CAMK1D: variants seen among roughly 807,000 people sequenced by gnomAD.
The protein encoded by CAMK1D is calcium/calmodulin dependent protein kinase ID, also known as calcium/calmodulin-dependent protein kinase type 1D.
CAMK1D carries 9 observed loss-of-function variants against 47.7 expected under a neutral mutation model. The observed-to-expected ratio is 0.19, with a 90% confidence interval of 0.11 to 0.33. CAMK1D has a LOEUF of 0.33. CAMK1D is among the 10% of genes least tolerant of loss of function. The pLI, the probability that CAMK1D is intolerant of heterozygous loss-of-function variation, is 1.00. For synonymous variants in CAMK1D, 184 were observed against 184.9 expected, an observed-to-expected ratio of 0.99 and a Z score of 0.04; for missense variants, 291 against 488.7, an observed-to-expected ratio of 0.60 and a Z score of 3.81.
intron 3 of CAMK1D, among the ~76,000 whole-genome samples, 188 bp from the exon 4 acceptor site, chr10:12,760,760 C>T (rs1038673187): frequency 1.3e-5 from 2 of 152,098 alleles, no homozygotes; most frequent in Non-Finnish European, 2.9e-5. Flanking sequence ...TACTTGGTTC[C>T]AGACATTTGC....
intron 3 of CAMK1D, among the ~76,000 whole-genome samples, chr10:12,667,310 CCAGACATAAGAGAAGTATAATTGGTGT>C (rs1396652425): frequency 6.6e-6 from 1 of 152,162 alleles, no homozygotes; most frequent in African/African-American, 2.4e-5. Context: ...GGAATTCGTG[CCAGACATAAGAGAAGTATAATTGGTGT>C]CAGACCATGA....
intron 5 of CAMK1D, among the ~76,000 whole-genome samples, chr10:12,779,062 A>T (rs141540958): frequency 2.9e-3 from 437 of 152,272 alleles, no homozygotes; most frequent in Non-Finnish European, 4.9e-3. Flanking sequence ...AGAAATGAAC[A>T]GACTCACTGA....
intron 2 of CAMK1D, among the ~76,000 whole-genome samples, chr10:12,632,749 C>T (rs986071187): frequency 6.6e-6 from 1 of 152,146 alleles, no homozygotes; most frequent in Non-Finnish European, 1.5e-5. Context: ...GGCTGGACTG[C>T]AGTGGCATGA....
At chr10:12,500,938 C>T (rs1834683493) in intron 1 of CAMK1D, among the ~76,000 whole-genome samples, 1 of 152,216 alleles carries the variant, frequency 6.6e-6, no homozygotes, top group Non-Finnish European at 1.5e-5. Context: ...TCACAATCAC[C>T]TCCTGTGGTT....
intron 1 of CAMK1D, among the ~76,000 whole-genome samples, chr10:12,361,958 A>G (rs1006870356): frequency 2.0e-5 from 3 of 151,912 alleles, no homozygotes; most frequent in Non-Finnish European, 2.9e-5. Context: ...CTGGCTTTGG[A>G]GCCTCCCCTA....
At chr10:12,676,811 A>G (rs1019330680) in intron 3 of CAMK1D, among the ~76,000 whole-genome samples, 1 of 152,244 alleles carries the variant, frequency 6.6e-6, no homozygotes, top group Non-Finnish European at 1.5e-5. Flanking sequence ...GAAGTATTTA[A>G]AAAGCAGAGC....
intron 6 of CAMK1D, among the ~76,000 whole-genome samples, chr10:12,811,971 T>C (rs1302425763): frequency 6.6e-6 from 1 of 152,224 alleles, no homozygotes; most frequent in African/African-American, 2.4e-5. Context: ...TCTTTAAAAA[T>C]GAAATTTTCC....
At position 12,390,482 on chromosome 10, in the gene CAMK1D, ATCTGTCTCTGCG is replaced by A. The variant is rs1838683835; in HGVS notation, c.92+40582_92+40593del. ...TCTCTGTCTTTATCTCTGTCACTAT[ATCTGTCTCTGCG>A]TCTGTCTCTAAACTGTCTTTATCAT... is the stretch of plus-strand genomic sequence containing the variant. On this transcript the variant is annotated intron_variant, in intron 1 of 10. Coordinates refer to ENST00000619168, the MANE Select transcript of CAMK1D (RefSeq NM_153498.4). Among the ~76,000 whole-genome samples, 3 of 152,158 alleles carry A rather than the reference ATCTGTCTCTGCG, an allele frequency of 2.0e-5. No homozygotes were observed. The South Asian group carries it at 6.2e-4, about 32-fold the overall frequency.
At position 12,354,416 on chromosome 10, in the gene CAMK1D, A is replaced by ATT. The variant is rs201857800; in HGVS notation, c.92+4509_92+4510dup. 7.2e-4 allele frequency among the ~76,000 whole-genome samples: 107 copies of ATT among 149,466 alleles called. 4 individuals are homozygous for ATT. The East Asian group carries it at 0.017, about 24-fold the overall frequency. ...GGTGGGGAACAGGGAACATGAGATA[A>ATT]TTTTCTTTTCTTTTCTTTTTTTTTT... is the stretch of plus-strand genomic sequence containing the variant. On this transcript the variant is annotated intron_variant, in intron 1 of 10. Transcript: ENST00000619168.
chr10:12,574,870 AAGG>A (rs1353350070), intron 2 of CAMK1D, among the ~76,000 whole-genome samples: 1 of 152,050 alleles, frequency 6.6e-6, no homozygotes, highest in Non-Finnish European at 1.5e-5. Flanking sequence ...AGCGTGAGTG[AAGG>A]AGGAGATGCT....
At chr10:12,711,588 G>A (rs574370031) in intron 3 of CAMK1D, among the ~76,000 whole-genome samples, 1 of 152,304 alleles carries the variant, frequency 6.6e-6, no homozygotes, top group East Asian at 1.9e-4. Context: ...ACTGCTTGCT[G>A]CTCTTTTCAG....
At chr10:12,629,434 A>G (rs1420755224) in intron 2 of CAMK1D, among the ~76,000 whole-genome samples, 2 of 152,222 alleles carry the variant, frequency 1.3e-5, no homozygotes, top group Non-Finnish European at 2.9e-5. Context: ...TATAATGTGC[A>G]TCCGGTGAAG....
intron 8 of CAMK1D, among the ~76,000 whole-genome samples, chr10:12,816,872 C>CAAAAA (rs71386122): frequency 5.2e-5 from 3 of 57,424 alleles, no homozygotes; most frequent in Admixed American, 2.0e-4. Flanking sequence ...AACTCTGTCT[C>CAAAAA]AAAAAAAAAA....
intron 7 of CAMK1D, among the ~76,000 whole-genome samples, chr10:12,815,085 G>A (rs1290893830): frequency 6.6e-6 from 1 of 152,184 alleles, no homozygotes; most frequent in Admixed American, 6.5e-5. Context: ...TTTGACAGAC[G>A]AGGAAACCGA....
chr10:12,558,237 C>T (rs559792669), intron 2 of CAMK1D, among the ~76,000 whole-genome samples: 1 of 152,254 alleles, frequency 6.6e-6, no homozygotes, highest in East Asian at 1.9e-4. Flanking sequence ...TTATTTATTT[C>T]GAGGGCAGGC....
At chr10:12,626,289 A>C (rs1220879364) in intron 2 of CAMK1D, among the ~76,000 whole-genome samples, 1 of 152,138 alleles carries the variant, frequency 6.6e-6, no homozygotes, top group African/African-American at 2.4e-5. Context: ...CATTAATTTA[A>C]ATTTTAACTT....
chr10:12,694,506 AT>A (rs1464390917), intron 3 of CAMK1D, among the ~76,000 whole-genome samples: 1 of 115,240 alleles, frequency 8.7e-6, no homozygotes, highest in Non-Finnish European at 1.7e-5. Flanking sequence ...TAAAATATAT[AT>A]TATATAAAAT....
At chr10:12,690,029 G>A (rs1036560381) in intron 3 of CAMK1D, among the ~76,000 whole-genome samples, 2 of 152,186 alleles carry the variant, frequency 1.3e-5, no homozygotes, top group African/African-American at 4.8e-5. Context: ...TTGTGACTTG[G>A]TGTTGACAGT....
intron 3 of CAMK1D, among the ~76,000 whole-genome samples, chr10:12,751,085 A>C (rs1387080534): frequency 4.8e-5 from 4 of 83,872 alleles, no homozygotes; most frequent in Non-Finnish European, 9.6e-5. Context: ...AGATAAGATA[A>C]GATAAGATAA....
Sources: gnomAD v4.1 joint callset for allele counts (sites outside exome capture counted in the v4.1 genomes callset) on GRCh38, gnomAD v4.1.1 for gene constraint, MANE v1.5 for transcripts, NCBI Gene and HGNC (gene_info 2026-07-23, HGNC 2026-07-21) for gene names.